Variants in PTPRT observed in about 807,000 individuals in gnomAD.
The protein encoded by PTPRT is protein tyrosine phosphatase receptor type T.
In PTPRT, 56 loss-of-function variants were observed where a neutral mutation model predicts 176.8. The ratio of observed to expected loss-of-function variants is 0.32; its 90% CI spans 0.26 to 0.40. PTPRT has a LOEUF of 0.40. Among genes scored for constraint, PTPRT ranks in the 10% least tolerant of loss-of-function variants. The pLI is 1.00. For synonymous variants in PTPRT, 783 were observed against 739.0 expected, an observed-to-expected ratio of 1.06 and a Z score of -0.96; for missense variants, 1,540 against 1,908.2, an observed-to-expected ratio of 0.81 and a Z score of 3.60.
intron 4 of PTPRT, among the ~76,000 whole-genome samples, chr20:42,775,159 G>C (rs1448978126): frequency 6.6e-6 from 1 of 152,160 alleles, no homozygotes; most frequent in Non-Finnish European, 1.5e-5. Flanking sequence ...CACTGAATGG[G>C]CTTAACAGAA....
At chr20:42,526,949 C>CTTTTTTCT (rs2072280654) in intron 7 of PTPRT, among the ~76,000 whole-genome samples, 3 of 113,590 alleles carry the variant, frequency 2.6e-5, no homozygotes, top group African/African-American at 9.7e-5. Context: ...CTTCTTGGTT[C>CTTTTTTCT]TTTTTTCTTT....
intron 8 of PTPRT, among the ~76,000 whole-genome samples, chr20:42,455,353 T>G (rs61183478): frequency 0.03 from 4,575 of 152,290 alleles, 207 homozygotes; most frequent in African/African-American, 0.1. Flanking sequence ...TTTTTGTTAA[T>G]AAACTTTGTA....
intron 15 of PTPRT, among the ~76,000 whole-genome samples, chr20:42,209,060 G>A (rs919979694): frequency 2.0e-5 from 3 of 152,146 alleles, no homozygotes; most frequent in South Asian, 2.1e-4. Context: ...GGTACATAAC[G>A]AAATGAAGGC....
chr20:42,380,981 G>C (rs1389404210), intron 9 of PTPRT, among the ~76,000 whole-genome samples: 1 of 152,138 alleles, frequency 6.6e-6, no homozygotes, highest in Admixed American at 6.5e-5. Context: ...GGAGGAGCAG[G>C]CACATTTCAC....
intron 15 of PTPRT, among the ~76,000 whole-genome samples, chr20:42,226,830 C>T (rs6102740): frequency 0.046 from 7,017 of 152,080 alleles, 537 homozygotes; most frequent in African/African-American, 0.16. Flanking sequence ...ATCTTCAGCT[C>T]CCCCAAGCAG....
chr20:43,044,556 G>A (rs1025495135), intron 1 of PTPRT, among the ~76,000 whole-genome samples: 2 of 152,148 alleles, frequency 1.3e-5, no homozygotes, highest in Non-Finnish European at 2.9e-5. Flanking sequence ...TGCCAACACA[G>A]ATGGCATGGA....
intron 1 of PTPRT, among the ~76,000 whole-genome samples, chr20:43,002,222 G>C (rs1984612135): frequency 6.6e-6 from 1 of 152,172 alleles, no homozygotes; most frequent in African/African-American, 2.4e-5. Context: ...TAAGCCTGTG[G>C]AACAGTGAAG....
At chr20:42,765,019 T>G (rs1054748695) in intron 5 of PTPRT, among the ~76,000 whole-genome samples, 1 of 152,180 alleles carries the variant, frequency 6.6e-6, no homozygotes, top group African/African-American at 2.4e-5. Context: ...CCTCCTCAGC[T>G]CATCAACCCT....
chr20:43,090,081 A>G (rs1448830375), intron 1 of PTPRT, among the ~76,000 whole-genome samples: 1 of 152,222 alleles, frequency 6.6e-6, no homozygotes, highest in Non-Finnish European at 1.5e-5. Flanking sequence ...TAAAATGAAT[A>G]AACAATCCAA....
intron 2 of PTPRT, among the ~76,000 whole-genome samples, chr20:42,864,299 C>T (rs1240701142): frequency 6.6e-6 from 1 of 152,174 alleles, no homozygotes; most frequent in East Asian, 1.9e-4. Flanking sequence ...TTACAGCCCA[C>T]CTAGTGTTAA....
intron 4 of PTPRT, among the ~76,000 whole-genome samples, chr20:42,777,500 C>T (rs1031163518): frequency 6.6e-6 from 1 of 152,190 alleles, no homozygotes; most frequent in Non-Finnish European, 1.5e-5. Context: ...ATCCCAGACA[C>T]CGACACTTAC....
chr20:42,650,171 T>C (rs989271076), intron 7 of PTPRT, among the ~76,000 whole-genome samples: 7 of 152,190 alleles, frequency 4.6e-5, no homozygotes, highest in Non-Finnish European at 1.0e-4. Flanking sequence ...CTTGGCTCCT[T>C]TTTTACAGGT....
chr20:42,727,834 C>T (rs73907249), intron 6 of PTPRT, among the ~76,000 whole-genome samples: 19,400 of 152,146 alleles, frequency 0.13, 1,304 homozygotes, highest in Admixed American at 0.14. Flanking sequence ...ACGTTCTTAG[C>T]TTGGTCAAAT....
rs564309092 is a variant in PTPRT, at chr20:42,077,052, G to A, written c.*3827C>T. ...TGTGGGCAAGTGATTTCTCCCCTAG[G>A]AGCCTTAGTTTCCTCATCAGTAAAT... is the stretch of plus-strand genomic sequence containing the variant. On this transcript the variant is annotated 3_prime_UTR_variant, in exon 31 of 31. Transcript: ENST00000373187. 3.2e-5 allele frequency: 6 copies of A among 185,008 alleles called. No homozygotes were observed. Among genetic ancestry groups the A allele is most frequent in the East Asian group, 1.8e-4 (2 of 11,426 alleles). The allele number at this position is 185,008 out of a possible 1,614,324, so 11.5% of individuals were successfully genotyped here. A position where few individuals can be genotyped will look rare whatever the true frequency, so the allele number is the denominator to read the frequency against.
At chr20:42,920,173 G>A (rs1979051049) in intron 1 of PTPRT, among the ~76,000 whole-genome samples, 3 of 152,122 alleles carry the variant, frequency 2.0e-5, no homozygotes, top group Admixed American at 6.5e-5. Context: ...AAAAATAAGC[G>A]AATGGCTTAG....
intron 6 of PTPRT, among the ~76,000 whole-genome samples, chr20:42,686,702 C>T (rs1272958352): frequency 6.6e-6 from 1 of 151,720 alleles, no homozygotes; most frequent in African/African-American, 2.4e-5. Context: ...CCATGTTGGC[C>T]AGGATGGTCT....
intron 1 of PTPRT, among the ~76,000 whole-genome samples, chr20:42,990,903 T>A (rs62204037): frequency 0.014 from 2,072 of 152,258 alleles, 30 homozygotes; most frequent in Non-Finnish European, 0.02. Flanking sequence ...CATTCTTATG[T>A]GAAGTGGACA....
intron 1 of PTPRT, among the ~76,000 whole-genome samples, chr20:42,953,550 G>A (rs981693605): frequency 1.1e-4 from 17 of 152,236 alleles, no homozygotes; most frequent in African/African-American, 4.1e-4. Context: ...CCTGGCGGGG[G>A]AAGTATCTTC....
At chr20:42,772,604 T>C (rs2077078830) in intron 4 of PTPRT, among the ~76,000 whole-genome samples, 1 of 152,138 alleles carries the variant, frequency 6.6e-6, no homozygotes, top group South Asian at 2.1e-4. Flanking sequence ...GGCTGATAAA[T>C]TGTATCTAGA....
Sources: allele counts gnomAD v4.1 joint callset (sites outside exome capture counted in the v4.1 genomes callset), GRCh38; gene constraint gnomAD v4.1.1; transcripts MANE v1.5; gene names NCBI Gene and HGNC (gene_info 2026-07-23, HGNC 2026-07-21).